Variants in VGLL4 observed in about 807,000 individuals in gnomAD.
VGLL4 encodes the protein vestigial like family member 4.
In VGLL4, 7 loss-of-function variants were observed where a neutral mutation model predicts 21.0. That is an observed-to-expected ratio of 0.33 (90% CI 0.19 to 0.63). The LOEUF (loss-of-function observed/expected upper bound fraction) is 0.63, where lower values mean the gene tolerates loss of function less well. Among genes scored for constraint, VGLL4 ranks in the 20% least tolerant of loss-of-function variants. VGLL4 has a pLI of 0.78. For missense variants in VGLL4, 394 were observed against 425.7 expected (o/e 0.93, Z 0.66); for synonymous variants, 222 against 173.2 (o/e 1.28, Z -2.21).
chr3:11,561,804 C>A (rs1390797373), intron 3 of VGLL4, among the ~76,000 whole-genome samples: 1 of 151,844 alleles, frequency 6.6e-6, no homozygotes, highest in African/African-American at 2.4e-5. Context: ...CCACCTGTGA[C>A]TGTCCTCAGA....
chr3:11,690,257 C>T (rs2076508195), intron 2 of VGLL4, among the ~76,000 whole-genome samples: 1 of 151,984 alleles, frequency 6.6e-6, no homozygotes, highest in South Asian at 2.1e-4. Context: ...TCCAGGAATT[C>T]TTCATAACTT....
chr3:11,643,339 G>C (rs766739672), intron 1 of VGLL4, 98 bp downstream of exon 1: 9 of 1,591,774 alleles, frequency 5.7e-6, no homozygotes, highest in Non-Finnish European at 7.7e-6. Context: ...CTACACCCCG[G>C]AGGAGGACAG....
rs369521958 is a variant in VGLL4 at position 11,582,190 on chromosome 3, G to A, written c.273-17171C>T. 3.6e-4 allele frequency: 502 copies of A among 1,398,020 alleles called. 1 individual carries two copies. The highest frequency in any genetic ancestry group is 2.8e-4 in the Non-Finnish European group (278 of 1,006,058). The allele number at this position is 1,398,020 out of a possible 1,614,324, so 86.6% of individuals were successfully genotyped here. The stretch of plus-strand genomic sequence containing the variant: ...TACCTCTCCCAGCACTTGCTGTCTC[G>A]CAGTTTAAATTAATTACAGCTGAAA... On this transcript the variant is annotated intron_variant, in intron 2 of 4. Coordinates refer to ENST00000430365, the MANE Select transcript of VGLL4 (RefSeq NM_001128219.3).
chr3:11,702,408 G>C (rs940054786), intron 2 of VGLL4, among the ~76,000 whole-genome samples: 1 of 139,312 alleles, frequency 7.2e-6, no homozygotes, highest in Admixed American at 7.9e-5. Context: ...TCAGGAGTTT[G>C]AGACCAGCCT....
chr3:11,626,541 C>T (rs2075355215), intron 1 of VGLL4: 3 of 412,946 alleles, frequency 7.3e-6, no homozygotes, highest in Non-Finnish European at 1.4e-5. Context: ...TTTGAAGGTA[C>T]CATGACTATT....
intron 1 of VGLL4, among the ~76,000 whole-genome samples, chr3:11,707,466 C>T (rs1301806512): frequency 1.3e-5 from 2 of 150,480 alleles, no homozygotes; most frequent in Admixed American, 6.6e-5. Flanking sequence ...AAGGACAATA[C>T]AGCTGGGACA....
chr3:11,664,896 G>C (rs2076093773), intron 2 of VGLL4, among the ~76,000 whole-genome samples: 1 of 151,690 alleles, frequency 6.6e-6, no homozygotes, highest in South Asian at 2.1e-4. Context: ...ATTCATACCA[G>C]TAACTAGTGA....
chr3:11,586,972 C>T (rs879942802), intron 2 of VGLL4, among the ~76,000 whole-genome samples: 11 of 148,492 alleles, frequency 7.4e-5, no homozygotes, highest in Admixed American at 2.0e-4. Context: ...CTGAATTGCA[C>T]GAGACCTGCT....
chr3:11,571,248 C>T (rs1312686306), intron 2 of VGLL4, among the ~76,000 whole-genome samples: 1 of 152,142 alleles, frequency 6.6e-6, no homozygotes, highest in Admixed American at 6.5e-5. Context: ...TATGCGTCAG[C>T]AACTACTGCC....
chr3:11,587,861 T>C (rs550990074), intron 2 of VGLL4, among the ~76,000 whole-genome samples: 1 of 152,332 alleles, frequency 6.6e-6, no homozygotes, highest in East Asian at 1.9e-4. Context: ...GGGGGCTTCT[T>C]ACTGAGAGTC....
intron 1 of VGLL4, among the ~76,000 whole-genome samples, chr3:11,633,986 A>G (rs2075537706): frequency 6.6e-6 from 1 of 152,164 alleles, no homozygotes; most frequent in South Asian, 2.1e-4. Context: ...AGGAAAATTA[A>G]TGGAGACCTC....
chr3:11,697,543 A>G (rs183852588), intron 2 of VGLL4, among the ~76,000 whole-genome samples: 10 of 152,362 alleles, frequency 6.6e-5, no homozygotes, highest in East Asian at 1.9e-4. Context: ...AGCAAACCCC[A>G]TAAGAGGTTC....
intron 2 of VGLL4, among the ~76,000 whole-genome samples, chr3:11,667,794 A>G (rs931095996): frequency 3.3e-5 from 5 of 150,044 alleles, no homozygotes; most frequent in African/African-American, 9.8e-5. Context: ...TTACAAATAG[A>G]GAACCTTTCT....
At chr3:11,593,832 G>C (rs2074566379) in intron 2 of VGLL4, among the ~76,000 whole-genome samples, 1 of 152,184 alleles carries the variant, frequency 6.6e-6, no homozygotes, top group Non-Finnish European at 1.5e-5. Flanking sequence ...TCAGCGAGGG[G>C]AGGCTGCGTT....
At chr3:11,655,490 C>A (rs760934755) in intron 2 of VGLL4, among the ~76,000 whole-genome samples, 6 of 152,236 alleles carry the variant, frequency 3.9e-5, no homozygotes, top group Non-Finnish European at 7.3e-5. Flanking sequence ...CTGCTTTACA[C>A]AGAAGGGGCA....
intron 4 of VGLL4, 117 bp downstream of exon 4, chr3:11,559,215 T>C: frequency 7.0e-7 from 1 of 1,425,550 alleles, no homozygotes; most frequent in Non-Finnish European, 9.2e-7. Context: ...GAAATACTTT[T>C]TCAACCTCAG....
At chr3:11,618,527 T>C (rs1327855582) in intron 1 of VGLL4, among the ~76,000 whole-genome samples, 2 of 152,152 alleles carry the variant, frequency 1.3e-5, no homozygotes, top group Admixed American at 6.5e-5. Context: ...AACCAAAGAA[T>C]AGGTAAATCT....
At chr3:11,650,514 T>C (rs1252848421) in intron 2 of VGLL4, among the ~76,000 whole-genome samples, 5 of 152,172 alleles carry the variant, frequency 3.3e-5, no homozygotes, top group African/African-American at 9.7e-5. Context: ...ATTTGAGCAC[T>C]TGAAGAGAGG....
chr3:11,580,242 C>CAT (rs1335529736), intron 2 of VGLL4, among the ~76,000 whole-genome samples: 1 of 152,226 alleles, frequency 6.6e-6, no homozygotes, highest in African/African-American at 2.4e-5. Context: ...CTAGGAACCT[C>CAT]ATGTCAGTGG....
Sources: gnomAD v4.1 joint callset for allele counts (sites outside exome capture counted in the v4.1 genomes callset) on GRCh38, gnomAD v4.1.1 for gene constraint, MANE v1.5 for transcripts, NCBI Gene and HGNC (gene_info 2026-07-23, HGNC 2026-07-21) for gene names.